TUBGCP6: variants seen among roughly 807,000 people sequenced by gnomAD.
TUBGCP6 encodes the protein gamma-tubulin complex component 6.
TUBGCP6 carries 161 observed loss-of-function variants against 175.8 expected under a neutral mutation model. The ratio of observed to expected loss-of-function variants is 0.92; its 90% CI spans 0.81 to 1.04. The LOEUF (loss-of-function observed/expected upper bound fraction) is 1.04. Among genes scored for constraint, TUBGCP6 ranks in the 50% least tolerant of loss-of-function variants. The pLI is 0.00. For missense variants in TUBGCP6, 2,572 were observed against 2,433.0 expected, an observed-to-expected ratio of 1.06 and a Z score of -1.20; for synonymous variants, 1,173 against 1,030.5, an observed-to-expected ratio of 1.14 and a Z score of -2.65.
At position 50,244,553 on chromosome 22, in the gene TUBGCP6, A is replaced by T; in HGVS notation, c.-94T>A. The T allele has an allele frequency of 6.9e-7, 1 of 1,457,884 alleles. No individual in the cohort carries two copies. Among genetic ancestry groups the T allele is most frequent in the Non-Finnish European group, 9.0e-7 (1 of 1,111,662 alleles). 90.3% of individuals were successfully genotyped at this position (1,457,884 alleles called of 1,614,324 possible). A position where few individuals can be genotyped will look rare whatever the true frequency, so the allele number is the denominator to read the frequency against. On this transcript the variant is annotated 5_prime_UTR_variant, in exon 1 of 25. Coordinates refer to ENST00000248846, the MANE Select transcript of TUBGCP6 (RefSeq NM_020461.4). ...AAGACAGGGAGTGAGAGAGGGTCCG[A>T]AGAGGCTGAATGACAGGCGGCCTCT...
At chr22:50,222,421 G>A (rs1282546978) in intron 14 of TUBGCP6, 33 bp downstream of exon 14, 2 of 1,611,438 alleles carry the variant, frequency 1.2e-6, no homozygotes, top group Non-Finnish European at 1.7e-6. Context: ...CAAAGCCCAG[G>A]GGAAGAGCTG....
chr22:50,238,788 C>T (rs1179901649), intron 2 of TUBGCP6, among the ~76,000 whole-genome samples: 1 of 152,148 alleles, frequency 6.6e-6, no homozygotes, highest in Non-Finnish European at 1.5e-5. Context: ...CCACCCGCCT[C>T]AGCCTCCCAA....
intron 20 of TUBGCP6, 68 bp from the exon 21 acceptor site, chr22:50,218,965 T>G: frequency 6.3e-7 from 1 of 1,588,566 alleles, no homozygotes; most frequent in South Asian, 1.1e-5. Flanking sequence ...CGGCACCCCA[T>G]GGGGCTGTGC....
intron 13 of TUBGCP6, chr22:50,222,937 C>T: frequency 4.0e-6 from 1 of 251,696 alleles, no homozygotes; most frequent in Non-Finnish European, 7.6e-6. Flanking sequence ...GCCTCTTCCC[C>T]TTCTACAGGT....
chr22:50,221,988 G>C (rs988695866), intron 15 of TUBGCP6, 40 bp downstream of exon 15: 3 of 1,611,896 alleles, frequency 1.9e-6, no homozygotes, highest in Non-Finnish European at 2.5e-6. Flanking sequence ...AGGGCTATGG[G>C]AAAACCATAG....
intron 2 of TUBGCP6, among the ~76,000 whole-genome samples, chr22:50,234,504 CCT>C (rs1369239946): frequency 2.7e-5 from 4 of 148,522 alleles, no homozygotes; most frequent in Non-Finnish European, 4.5e-5. Context: ...CATCCACACC[CCT>C]GTCCACAGCA....
chr22:50,226,361 A>G lies in TUBGCP6; in HGVS notation c.1619T>C (p.Val540Ala), dbSNP rs907748116. 1.9e-6 allele frequency: 3 copies of G among 1,610,116 alleles called. No homozygotes were observed. Among genetic ancestry groups the G allele is most frequent in the African/African-American group, 2.7e-5 (2 of 74,690 alleles). ...AGCGTCTCTGAACACCCCGCTGTACACCCAGTCGTGGATGAACCTGCAGTG... is the reference window on the plus strand; with the variant it reads ...AGCGTCTCTGAACACCCCGCTGTACGCCCAGTCGTGGATGAACCTGCAGTG... ...EPYTRFIHDWVYSGVFRDAYG... is the reference protein window; with the variant it reads ...EPYTRFIHDWAYSGVFRDAYG... Residue 540 changes from valine (V) to alanine (A), a missense_variant, in exon 8 of 25, where the codon GTG (valine) becomes GCG (alanine). By Grantham distance (64) the Val-to-Ala change is moderately conservative (BLOSUM62 0). Transcript: ENST00000248846.
At chr22:50,224,805 G>C (rs929555256) in intron 10 of TUBGCP6, among the ~76,000 whole-genome samples, 2 of 152,098 alleles carry the variant, frequency 1.3e-5, no homozygotes, top group South Asian at 4.1e-4. Flanking sequence ...TATTTGGCGG[G>C]GGTCAGGGGA....
rs773023283 is a variant in TUBGCP6 at position 50,229,465 on chromosome 22, A to T, written c.1229T>A (p.Leu410Gln). 1.2e-6 allele frequency: 2 copies of T among 1,613,250 alleles called. No homozygotes were observed. The highest frequency in any genetic ancestry group is 1.1e-5 in the South Asian group (1 of 90,914). ...VAEYGTCYTR[L>Q]SHFSLQPVLD... ...GACGGGCTGCAGAGAGAAATGACTC[A>T]GGCGCGTGTAGCAGGTCCCATACTC... is the stretch of plus-strand genomic sequence containing the variant. The change falls in exon 4 of 25, where the codon CTG becomes CAG. Residue 410 changes from leucine to glutamine, a missense_variant. Coordinates refer to ENST00000248846, the MANE Select transcript of TUBGCP6 (RefSeq NM_020461.4).
At chr22:50,235,701 G>C (rs1350427992) in intron 2 of TUBGCP6, among the ~76,000 whole-genome samples, 1 of 152,144 alleles carries the variant, frequency 6.6e-6, no homozygotes. Context: ...CAACACTTTG[G>C]GAGGCCAAGA....
Position 50,221,470 on chromosome 22 carries a change from G to A in TUBGCP6, c.2889C>T (p.Thr963=). The stretch of plus-strand genomic sequence containing the variant: ...CCTGCAGGGGCCCTGGTGCAGGTGA[G>A]GTGGCCACAGCTGGCCTCAGGACAG... ...FSTVLRPAVA[T]SPAPGPLQAA... is the part of the protein sequence containing the mutation. The change falls in exon 16 of 25, where the codon ACC becomes ACT. Residue 963 remains threonine, a synonymous_variant. Transcript: ENST00000248846. 1.3e-6 allele frequency: 2 copies of A among 1,592,188 alleles called. No homozygotes were observed. Among genetic ancestry groups the A allele is most frequent in the Non-Finnish European group, 1.7e-6 (2 of 1,171,374 alleles).
At chr22:50,230,149 C>G (rs912474466) in intron 3 of TUBGCP6, among the ~76,000 whole-genome samples, 1 of 152,138 alleles carries the variant, frequency 6.6e-6, no homozygotes, top group Non-Finnish European at 1.5e-5. Context: ...ACAACAGCAC[C>G]GTGTATACCC....
At chr22:50,241,757 C>G (rs1275325290) in intron 1 of TUBGCP6, among the ~76,000 whole-genome samples, 2 of 152,194 alleles carry the variant, frequency 1.3e-5, no homozygotes, top group African/African-American at 4.8e-5. Context: ...AGATGACTCA[C>G]ACTCCTTACC....
chr22:50,239,921 C>G (rs1317655570), intron 2 of TUBGCP6, among the ~76,000 whole-genome samples: 2 of 152,094 alleles, frequency 1.3e-5, no homozygotes, highest in African/African-American at 4.8e-5. Flanking sequence ...CTCTGCCCGA[C>G]AGGTGTGATC....
At chr22:50,227,393 C>T (rs1180334415) in intron 5 of TUBGCP6, among the ~76,000 whole-genome samples, 2 of 152,170 alleles carry the variant, frequency 1.3e-5, no homozygotes, top group Non-Finnish European at 2.9e-5. Context: ...CTGAGAGCCC[C>T]TCCCATCCAC....
In TUBGCP6 at chr22:50,226,995, T is replaced by G; in HGVS notation, c.1491+4A>C. 1 of 1,611,230 alleles carries G rather than the reference T, an allele frequency of 6.2e-7. No individual in the cohort carries two copies. The highest frequency in any genetic ancestry group is 1.1e-5 in the South Asian group (1 of 90,604). ...GACACACTCGGCAGGGACGCACAACTCACGGTGGGAAACGCGGCCCTGGGG... is the reference window on the plus strand; with the variant it reads ...GACACACTCGGCAGGGACGCACAACGCACGGTGGGAAACGCGGCCCTGGGG... On this transcript the variant is annotated splice_donor_region_variant and intron_variant, in intron 6 of 24. Coordinates refer to ENST00000248846, the MANE Select transcript of TUBGCP6 (RefSeq NM_020461.4).
rs147606883 is a variant in TUBGCP6 at position 50,220,618 on chromosome 22, G to T, written c.3741C>A (p.Asp1247Glu). 3.1e-6 allele frequency: 5 copies of T among 1,605,906 alleles called. No homozygotes were observed. Among genetic ancestry groups the T allele is most frequent in the Non-Finnish European group, 4.2e-6 (5 of 1,177,842 alleles). Residue 1247 changes from aspartate to glutamate, a missense_variant, in exon 16 of 25, where the codon GAC becomes GAA. Asp to Glu is a conservative substitution (Grantham distance 45). Transcript: ENST00000248846. ...CAGGCTCCCCCAAGCTGATGCTGGC[G>T]TCGGACACGTGTCCATGGGTGTTGC... ...SRCNTHGHVS[D>E]ASISLGEPVS...
Position 50,222,032 on chromosome 22 carries a change from G to A in TUBGCP6, c.2480C>T (p.Pro827Leu), listed in dbSNP as rs371704858. Residue 827 changes from proline to leucine, a missense_variant, in exon 15 of 25, where the codon CCC becomes CTC. Coordinates refer to ENST00000248846, the MANE Select transcript of TUBGCP6 (RefSeq NM_020461.4). ...EPPDVLLSVH[P>L]QVTSPGPEHP... ...GGGTTCCACTCTGCCGCTTACCTGG[G>A]GGTGCACGCTCAAGAGGACGTCTGG... The A allele has an allele frequency of 4.3e-6, 7 of 1,613,756 alleles. No homozygotes were observed. The highest frequency in any genetic ancestry group is 5.9e-6 in the Non-Finnish European group (7 of 1,179,994).
At position 50,229,434 on chromosome 22, in the gene TUBGCP6, GT is replaced by G. The variant is rs1569118988; in HGVS notation, c.1259del (p.Asp420AlafsTer17). On this transcript the variant is annotated frameshift_variant, in exon 4 of 25. Coordinates refer to ENST00000248846, the MANE Select transcript of TUBGCP6 (RefSeq NM_020461.4). LOFTEE classifies it high-confidence loss of function. ...ACACGAGGCCCTTGCTGTACAAAGAGTCCAGGACGGGCTGCAGAGAGAAATG... is the reference window on the plus strand; with the variant it reads ...ACACGAGGCCCTTGCTGTACAAAGAGCCAGGACGGGCTGCAGAGAGAAATG... ...LSHFSLQPVL[D>X]SLYSKGLVFQ... 2.5e-6 allele frequency: 4 copies of G among 1,613,644 alleles called. No homozygotes were observed. Among genetic ancestry groups the G allele is most frequent in the Non-Finnish European group, 3.4e-6 (4 of 1,179,940 alleles).
Sources: gnomAD v4.1 joint callset for allele counts (sites outside exome capture counted in the v4.1 genomes callset) on GRCh38, gnomAD v4.1.1 for gene constraint, MANE v1.5 for transcripts, NCBI Gene and HGNC (gene_info 2026-07-23, HGNC 2026-07-21) for gene names.